CACNA2D4: variants seen among roughly 807,000 people sequenced by gnomAD.
CACNA2D4 encodes calcium voltage-gated channel auxiliary subunit alpha2delta 4.
A neutral mutation model predicts 163.8 loss-of-function variants in CACNA2D4; 157 were observed. The observed-to-expected ratio is 0.96, with a 90% CI of 0.84 to 1.09. The LOEUF is 1.09. Ranked by LOEUF, CACNA2D4 falls within the 50% of genes least tolerant of loss-of-function variation. CACNA2D4 has a pLI of 0.00. For synonymous variants in CACNA2D4, 598 were observed against 586.9 expected, an observed-to-expected ratio of 1.02 and a Z score of -0.27; for missense variants, 1,410 against 1,479.9, an observed-to-expected ratio of 0.95 and a Z score of 0.78.
intron 26 of CACNA2D4, among the ~76,000 whole-genome samples, chr12:1,822,381 G>A (rs1864140358): frequency 6.6e-6 from 1 of 152,130 alleles, no homozygotes; most frequent in South Asian, 2.1e-4. Flanking sequence ...AGCCAGCATA[G>A]AGGCTGTCTG....
rs374395390 is a variant in CACNA2D4, at chr12:1,878,183, AT to A, written c.1719+131del. On this transcript the variant is annotated intron_variant, in intron 16 of 37. Coordinates refer to ENST00000382722, the MANE Select transcript of CACNA2D4 (RefSeq NM_172364.5). This position sits in a 1 kb window ranked among gnomAD's most constrained non-coding sequence, Gnocchi z 4.6. Reference sequence around the variant, plus strand: ...AAAACAGGGACCATGACTCGAATACATTTTTTTTCTCATATTACCCACTGGG... The same window carrying A: ...AAAACAGGGACCATGACTCGAATACATTTTTTTCTCATATTACCCACTGGG... 549 of 1,016,578 alleles carry A rather than the reference AT, an allele frequency of 5.4e-4. 1 individual carries two copies. The highest frequency in any genetic ancestry group is 7.5e-4 in the Admixed American group (36 of 48,186). 63.0% of individuals were successfully genotyped at this position (1,016,578 alleles called of 1,614,324 possible).
intron 6 of CACNA2D4, among the ~76,000 whole-genome samples, chr12:1,897,860 G>A (rs1480883357): frequency 6.6e-6 from 1 of 152,130 alleles, no homozygotes; most frequent in African/African-American, 2.4e-5. Flanking sequence ...CAGTTAACAA[G>A]CTTGATCTAA....
In CACNA2D4 at chr12:1,823,613, C is replaced by T. The variant is rs573174011; in HGVS notation, c.2552-11890G>A. On this transcript the variant is annotated intron_variant, in intron 26 of 37. Coordinates refer to ENST00000382722, the MANE Select transcript of CACNA2D4 (RefSeq NM_172364.5). ...CAGAGCTCCGGCCTACTCCCCTCACCTCAGCACACAACCCCCAGCCAGAAA... is the reference window on the plus strand; with the variant it reads ...CAGAGCTCCGGCCTACTCCCCTCACTTCAGCACACAACCCCCAGCCAGAAA... 2.1e-3 allele frequency among the ~76,000 whole-genome samples: 320 copies of T among 152,120 alleles called. 2 individuals are homozygous for T. Among genetic ancestry groups the T allele is most frequent in the Non-Finnish European group, 3.8e-3 (261 of 67,972 alleles).
rs1381742857 is a variant in CACNA2D4 at position 1,802,635 on chromosome 12, TG to T, written c.2722-992del. ...TTTAATGTAGGCTGTCTTTAAAAATTGGGGATAGCGTGTGTCCGGCGTGTGG... is the reference window on the plus strand; with the variant it reads ...TTTAATGTAGGCTGTCTTTAAAAATTGGGATAGCGTGTGTCCGGCGTGTGG... On this transcript the variant is annotated intron_variant, in intron 29 of 37. Coordinates refer to ENST00000382722, the MANE Select transcript of CACNA2D4 (RefSeq NM_172364.5). This position sits in a 1 kb window ranked among gnomAD's most constrained non-coding sequence, Gnocchi z 4.7. Among the ~76,000 whole-genome samples, 8 of 152,170 alleles carry T rather than the reference TG, an allele frequency of 5.3e-5. No individual in the cohort carries two copies. Among genetic ancestry groups the T allele is most frequent in the African/African-American group, 1.9e-4 (8 of 41,420 alleles).
At chr12:1,797,566 G>A (rs757053645) in intron 34 of CACNA2D4, 31 bp from the exon 35 acceptor site, 1 of 1,510,988 alleles carries the variant, frequency 6.6e-7, no homozygotes, top group African/African-American at 1.4e-5. Context: ...TCACGCCACC[G>A]AAGGGGCCTC....
intron 9 of CACNA2D4, 112 bp from the exon 10 acceptor site, chr12:1,885,188 T>C (rs1866106600): frequency 4.8e-6 from 4 of 839,472 alleles, no homozygotes; most frequent in Non-Finnish European, 8.3e-6. Context: ...GGACATGATT[T>C]CAGGGCCTGT....
Position 1,799,451 on chromosome 12 carries a change from G to T in CACNA2D4, c.2995+224C>A, listed in dbSNP as rs1482246498. Among the ~76,000 whole-genome samples the T allele has an allele frequency of 6.6e-6, 1 of 152,198 alleles. No homozygotes were observed. The highest frequency in any genetic ancestry group is 1.5e-5 in the Non-Finnish European group (1 of 68,026). ...CTTACGTGTTCTCACCCAAGGGGAGGCTGGAGTTTCTCATTTTCCCTGGGG... is the reference window on the plus strand; with the variant it reads ...CTTACGTGTTCTCACCCAAGGGGAGTCTGGAGTTTCTCATTTTCCCTGGGG... On this transcript the variant is annotated intron_variant, in intron 34 of 37. Transcript: ENST00000382722. This position sits in a 1 kb window ranked among gnomAD's most constrained non-coding sequence, Gnocchi z 4.7.
Position 1,817,866 on chromosome 12 carries a change from T to C in CACNA2D4, c.2552-6143A>G, listed in dbSNP as rs766271036. 3.8e-3 allele frequency among the ~76,000 whole-genome samples: 584 copies of C among 152,028 alleles called. 4 individuals are homozygous for C. The highest frequency in any genetic ancestry group is 4.3e-3 in the Non-Finnish European group (292 of 68,018). On this transcript the variant is annotated intron_variant, in intron 26 of 37. Coordinates refer to ENST00000382722, the MANE Select transcript of CACNA2D4 (RefSeq NM_172364.5). Reference sequence around the variant, plus strand: ...CACCTCCCAGCCGCCTGCCTTGGCCTCCCAAAGTGCCGAGATTGCAGCCTC... The same window carrying C: ...CACCTCCCAGCCGCCTGCCTTGGCCCCCCAAAGTGCCGAGATTGCAGCCTC...
chr12:1,855,471 G>A (rs958376561), intron 22 of CACNA2D4, among the ~76,000 whole-genome samples: 1 of 152,172 alleles, frequency 6.6e-6, no homozygotes, highest in Non-Finnish European at 1.5e-5. Context: ...ATGTGACCAT[G>A]GAGCAGAGAC....
At position 1,886,992 on chromosome 12, in the gene CACNA2D4, C is replaced by T; in HGVS notation, c.842+17G>A. 6.4e-7 allele frequency: 1 copy of T among 1,570,476 alleles called. No individual in the cohort carries two copies. The highest frequency in any genetic ancestry group is 8.7e-7 in the Non-Finnish European group (1 of 1,149,436). On this transcript the variant is annotated intron_variant, in intron 7 of 37. Coordinates refer to ENST00000382722, the MANE Select transcript of CACNA2D4 (RefSeq NM_172364.5). ...ATAAATACCCGGGCCGCAAACCTTT[C>T]CCCTGTGAGCTCTTACCAGCCGCGG...
Position 1,805,295 on chromosome 12 carries a change from T to C in CACNA2D4, c.2722-3651A>G, listed in dbSNP as rs576461040. ...GGGGCAGAGGCAGGCGACCAAGTGA[T>C]GAGAGGTTGGGTAGTCCCTCCCAGG... On this transcript the variant is annotated intron_variant, in intron 29 of 37. Transcript: ENST00000382722. Among the ~76,000 whole-genome samples the C allele has an allele frequency of 2.6e-5, 4 of 152,148 alleles. No individual in the cohort carries two copies. The South Asian group carries it at 8.3e-4, about 32-fold the overall frequency.
intron 31 of CACNA2D4, 95 bp from the exon 32 acceptor site, chr12:1,800,533 G>T: frequency 7.7e-7 from 1 of 1,294,392 alleles, no homozygotes; most frequent in Non-Finnish European, 1.1e-6. Context: ...AGACCAGAGA[G>T]TGGGCTGCCC....
chr12:1,854,631 C>T (rs190591710), intron 22 of CACNA2D4, among the ~76,000 whole-genome samples: 3 of 152,256 alleles, frequency 2.0e-5, no homozygotes, highest in Non-Finnish European at 4.4e-5. Flanking sequence ...ATCTAGAACT[C>T]CTGACCTCAA....
intron 26 of CACNA2D4, among the ~76,000 whole-genome samples, chr12:1,825,281 G>C (rs1864268494): frequency 6.6e-6 from 1 of 152,236 alleles, no homozygotes; most frequent in South Asian, 2.1e-4. Context: ...CTATCCAGGG[G>C]AGGCAGAAGC....
In CACNA2D4 at chr12:1,833,514, C is replaced by T. The variant is rs1407185076; in HGVS notation, c.2551+7225G>A. Among the ~76,000 whole-genome samples, 2 of 152,194 alleles carry T rather than the reference C, an allele frequency of 1.3e-5. No homozygotes were observed. Among genetic ancestry groups the T allele is most frequent in the African/African-American group, 4.8e-5 (2 of 41,440 alleles). On this transcript the variant is annotated intron_variant, in intron 26 of 37. Coordinates refer to ENST00000382722, the MANE Select transcript of CACNA2D4 (RefSeq NM_172364.5). This position sits in a 1 kb window ranked among gnomAD's most constrained non-coding sequence, Gnocchi z 4.2. ...CCCGTGCGCCCAGGTACCCACACCT[C>T]CTCATCAACACCAGCCTCCTCTCCT...
At chr12:1,859,938 G>T (rs2154448541) in intron 19 of CACNA2D4, among the ~76,000 whole-genome samples, 1 of 152,350 alleles carries the variant, frequency 6.6e-6, no homozygotes, top group South Asian at 2.1e-4. Context: ...TACACAGCCT[G>T]TAAATGGTAG....
In CACNA2D4 at chr12:1,907,522, G is replaced by C; in HGVS notation, c.699C>G (p.Val233=). ...GVYMSEALNA[V]FVENFQRDPT... The stretch of plus-strand genomic sequence containing the variant: ...GGTCTCTCTGGAAGTTCTCCACGAA[G>C]ACAGCATTCAAGGCTTCAGACATGT... The change falls in exon 6 of 38, where the codon GTC becomes GTG. Residue 233 remains valine (V), a synonymous_variant. Transcript: ENST00000382722. 1 of 1,613,628 alleles carries C rather than the reference G, an allele frequency of 6.2e-7. No homozygotes were observed.
rs57706301 is a variant in CACNA2D4, at chr12:1,804,121, C to CTGTGTGTGTG, written c.2722-2487_2722-2478dup. Among the ~76,000 whole-genome samples the CTGTGTGTGTG allele has an allele frequency of 4.5e-3, 626 of 139,160 alleles. 7 individuals carry two copies. The highest frequency in any genetic ancestry group is 0.015 in the South Asian group (60 of 4,028). The allele number at this position is 139,160 out of a possible 152,430, so 91.3% of individuals were successfully genotyped here. ...GGCTCGCTTTTTGCTATTCTAGTTA[C>CTGTGTGTGTG]TGTGTGTGTGTGTGTGTGTGTGTGT... On this transcript the variant is annotated intron_variant, in intron 29 of 37. Transcript: ENST00000382722.
intron 29 of CACNA2D4, among the ~76,000 whole-genome samples, chr12:1,804,142 T>A (rs1863435750): frequency 6.6e-6 from 1 of 151,790 alleles, no homozygotes; most frequent in Non-Finnish European, 1.5e-5. Flanking sequence ...TGTGTGTGTG[T>A]GTGTGTGTGT....
Sources: gnomAD v4.1 joint callset for allele counts (sites outside exome capture counted in the v4.1 genomes callset) on GRCh38, gnomAD v4.1.1 for gene constraint, Gnocchi (gnomAD v3.1) non-coding constraint, MANE v1.5 for transcripts, NCBI Gene and HGNC (gene_info 2026-07-23, HGNC 2026-07-21) for gene names.